Variants in ITSN2 observed in about 807,000 individuals in gnomAD.
The protein encoded by ITSN2 is intersectin 2.
In ITSN2, 156 loss-of-function variants were observed where a neutral mutation model predicts 243.7. That is an observed-to-expected ratio of 0.64 (90% CI 0.56 to 0.73). The LOEUF is 0.73. ITSN2 is among the 30% of genes least tolerant of loss of function. ITSN2 has a pLI of 0.00. For missense variants in ITSN2, 1,801 were observed against 1,996.1 expected, an observed-to-expected ratio of 0.90 and a Z score of 1.86; for synonymous variants, 703 against 699.9, an observed-to-expected ratio of 1.00 and a Z score of -0.07.
chr2:24,287,186 T>C (rs1029716694), intron 15 of ITSN2, among the ~76,000 whole-genome samples: 1 of 151,524 alleles, frequency 6.6e-6, no homozygotes, highest in African/African-American at 2.4e-5. Context: ...TACATTGCTA[T>C]GCAACTTGTT....
chr2:24,277,259 T>C (rs1052663944), intron 17 of ITSN2, among the ~76,000 whole-genome samples: 7 of 152,186 alleles, frequency 4.6e-5, no homozygotes, highest in Admixed American at 2.0e-4. Context: ...CTGGACAATA[T>C]TTGGGTAGAA....
chr2:24,329,746 G>C (rs111762245), intron 1 of ITSN2, among the ~76,000 whole-genome samples: 1 of 152,150 alleles, frequency 6.6e-6, no homozygotes, highest in African/African-American at 2.4e-5. Flanking sequence ...ATTTTTAGAA[G>C]CCTAAGAAAA....
At chr2:24,356,225 C>T (rs1178889677) in intron 1 of ITSN2, among the ~76,000 whole-genome samples, 2 of 141,628 alleles carry the variant, frequency 1.4e-5, no homozygotes, top group African/African-American at 5.3e-5. Flanking sequence ...AATAGCTGGA[C>T]GTGGTGGCAC....
chr2:24,221,176 G>A (rs1273192246), intron 29 of ITSN2, 110 bp from the exon 30 acceptor site: 51 of 1,253,700 alleles, frequency 4.1e-5, no homozygotes, highest in Non-Finnish European at 5.4e-5. Flanking sequence ...AAAGAATGAC[G>A]CAGCCTTAAA....
chr2:24,245,150 T>C (rs1447173500), intron 29 of ITSN2, among the ~76,000 whole-genome samples: 2 of 152,172 alleles, frequency 1.3e-5, no homozygotes, highest in African/African-American at 4.8e-5. Context: ...TTATTACTAA[T>C]GCTATATTTA....
chr2:24,344,040 TA>T (rs1687297961), intron 1 of ITSN2, among the ~76,000 whole-genome samples: 1 of 152,232 alleles, frequency 6.6e-6, no homozygotes, highest in Non-Finnish European at 1.5e-5. Flanking sequence ...ACAAACATGT[TA>T]TTTTTCAAAC....
chr2:24,339,263 C>A (rs1686780661), intron 1 of ITSN2, among the ~76,000 whole-genome samples: 1 of 151,818 alleles, frequency 6.6e-6, no homozygotes, highest in Admixed American at 6.6e-5. Flanking sequence ...CCAAGGCAGG[C>A]AGATCATTTG....
intron 32 of ITSN2, among the ~76,000 whole-genome samples, chr2:24,214,733 C>G (rs1669808927): frequency 6.6e-6 from 1 of 151,794 alleles, no homozygotes; most frequent in South Asian, 2.1e-4. Flanking sequence ...TGCTTTTTAC[C>G]TTTATTACTT....
intron 23 of ITSN2, among the ~76,000 whole-genome samples, chr2:24,256,652 G>T (rs1340063437): frequency 6.6e-6 from 1 of 152,054 alleles, no homozygotes; most frequent in African/African-American, 2.4e-5. Flanking sequence ...TCATTCAATT[G>T]TTCATTCATT....
chr2:24,236,107 C>A (rs923122152), intron 29 of ITSN2, among the ~76,000 whole-genome samples: 1 of 10,904 alleles, frequency 9.2e-5, no homozygotes. Flanking sequence ...CAAATGTCCA[C>A]TAAATAATGA....
intron 23 of ITSN2, among the ~76,000 whole-genome samples, chr2:24,257,456 C>T (rs1675206097): frequency 6.6e-6 from 1 of 151,368 alleles, no homozygotes; most frequent in Admixed American, 6.6e-5. Context: ...AATTACCTTT[C>T]TTTTTTCTTT....
At position 24,204,410 on chromosome 2, in the gene ITSN2, T is replaced by C; in HGVS notation, c.4771A>G (p.Asn1591Asp). The C allele has an allele frequency of 6.2e-7, 1 of 1,614,176 alleles. No individual in the cohort carries two copies. The highest frequency in any genetic ancestry group is 8.5e-7 in the Non-Finnish European group (1 of 1,180,006). Residue 1591 changes from asparagine (N) to aspartate (D), a missense_variant, in exon 39 of 40, where the codon AAC becomes GAC. Coordinates refer to ENST00000355123, the MANE Select transcript of ITSN2 (RefSeq NM_006277.3). This position sits in a 1 kb window ranked among gnomAD's most constrained non-coding sequence, Gnocchi z 5.1. ...LKACKPNGKS[N>D]PYCEISMGSQ... ...CCCATGCTGATTTCACAGTATGGGT[T>C]GCTCTTTCCTGAACAAAAACAAACC...
At chr2:24,301,829 T>C in intron 10 of ITSN2, 136 bp downstream of exon 10, 2 of 825,562 alleles carry the variant, frequency 2.4e-6, no homozygotes, top group Non-Finnish European at 3.5e-6. Context: ...GGCCCACACC[T>C]ACTTCTAATA....
Position 24,204,525 on chromosome 2 carries a change from G to T in ITSN2, c.4763-107C>A. The T allele has an allele frequency of 1.9e-6, 2 of 1,028,414 alleles. No individual in the cohort carries two copies. The highest frequency in any genetic ancestry group is 3.1e-6 in the Non-Finnish European group (2 of 653,698). 63.7% of individuals were successfully genotyped at this position (1,028,414 alleles called of 1,614,324 possible). A position where few individuals can be genotyped will look rare whatever the true frequency, so the allele number is the denominator to read the frequency against. On this transcript the variant is annotated intron_variant, in intron 38 of 39. Coordinates refer to ENST00000355123, the MANE Select transcript of ITSN2 (RefSeq NM_006277.3). The surrounding 1 kb of genome is among the most constrained non-coding windows in gnomAD (Gnocchi z 5.1). ...AGGATTCCAATAATGGGTCACTCGA[G>T]ACCATGGCAGCAGGAGCCGCTGCCT...
intron 1 of ITSN2, among the ~76,000 whole-genome samples, chr2:24,337,505 C>G (rs555612294): frequency 2.2e-4 from 33 of 149,586 alleles, no homozygotes; most frequent in African/African-American, 8.1e-4. Context: ...CGCGCACCAC[C>G]ATGCCCAGCT....
chr2:24,333,442 A>G (rs1434908491), intron 1 of ITSN2, among the ~76,000 whole-genome samples: 2 of 152,222 alleles, frequency 1.3e-5, no homozygotes, highest in Non-Finnish European at 2.9e-5. Context: ...GGCAAGTGCA[A>G]CTGAAGTCAG....
At chr2:24,236,306 G>A (rs2551179) in intron 29 of ITSN2, among the ~76,000 whole-genome samples, 149,128 of 152,260 alleles carry the variant, frequency 0.98, 73,030 homozygotes, top group East Asian at 0.99. Flanking sequence ...CAAACATGGA[G>A]ACAAAAGATT....
rs760941187 is a variant in ITSN2, at chr2:24,312,333, T to C, written c.231A>G (p.Gln77=). 9.3e-6 allele frequency: 15 copies of C among 1,612,634 alleles called. No individual in the cohort carries two copies. Among genetic ancestry groups the C allele is most frequent in the Non-Finnish European group, 1.3e-5 (15 of 1,179,232 alleles). Residue 77 remains glutamine (Q), a synonymous_variant, in exon 5 of 40, where the codon CAA becomes CAG. Transcript: ENST00000355123. ...DLNKDGKMDQ[Q]EFSIAMKLIK... is the part of the protein sequence containing the mutation. ...TGAGTTTCATAGCTATGGAGAACTC[T>C]TGCTGATCCATCTTCCCATCCTTGT... is the stretch of plus-strand genomic sequence containing the variant.
At chr2:24,335,531 A>C (rs777180656) in intron 1 of ITSN2, among the ~76,000 whole-genome samples, 3 of 152,084 alleles carry the variant, frequency 2.0e-5, no homozygotes, top group African/African-American at 4.8e-5. Context: ...ATGCGGCCTC[A>C]CTACATTTCC....
Sources: allele counts gnomAD v4.1 joint callset (sites outside exome capture counted in the v4.1 genomes callset), GRCh38; gene constraint gnomAD v4.1.1; non-coding constraint Gnocchi (gnomAD v3.1); transcripts MANE v1.5; gene names NCBI Gene and HGNC (gene_info 2026-07-23, HGNC 2026-07-21).